Variants in FBRSL1 observed in about 807,000 individuals in gnomAD.
FBRSL1 encodes the protein fibrosin-1-like protein.
A neutral mutation model predicts 89.6 loss-of-function variants in FBRSL1; 51 were observed. The ratio of observed to expected loss-of-function variants is 0.57; its 90% confidence interval spans 0.45 to 0.72. The LOEUF (loss-of-function observed/expected upper bound fraction) is 0.72, where lower values mean the gene tolerates loss of function less well. Ranked by LOEUF, FBRSL1 falls within the 30% of genes least tolerant of loss-of-function variation. FBRSL1 has a pLI of 0.00. For synonymous variants in FBRSL1, 779 were observed against 681.1 expected, an observed-to-expected ratio of 1.14 and a Z score of -2.24; for missense variants, 1,618 against 1,451.8, an observed-to-expected ratio of 1.11 and a Z score of -1.86.
rs1391079802 is a variant in FBRSL1, at chr12:132,531,008, C to T, written c.615+3020C>T. On this transcript the variant is annotated intron_variant, in intron 4 of 18. Coordinates refer to ENST00000680143, the MANE Select transcript of FBRSL1 (RefSeq NM_001367871.1). ...TGTGTCCAGTGTGGGGGGGGGGGTG[C>T]AGGTGAGAGCCCGGGGTGCAGGTGA... 2.2e-5 allele frequency among the ~76,000 whole-genome samples: 3 copies of T among 133,824 alleles called. No homozygotes were observed. The South Asian group carries it at 7.1e-4, about 31-fold the overall frequency. The allele number at this position is 133,824 out of a possible 152,430, so 87.8% of individuals were successfully genotyped here.
Position 132,572,600 on chromosome 12 carries a change from T to C in FBRSL1, c.1508T>C (p.Leu503Pro), listed in dbSNP as rs1309004675. ...CCACACCCCGGCCCCTTCGGGTCCC[T>C]GCAGGGCGCTTTTCAGCCTAAGGTA... ...LLPHPGPFGS[L>P]QGAFQPKTSS... The change falls in exon 11 of 19, where the codon CTG (leucine) becomes CCG (proline). Residue 503 changes from leucine (L) to proline (P), a missense_variant. Physicochemically the swap from Leu to Pro is moderately conservative, Grantham distance 98. Transcript: ENST00000680143. 7 of 1,550,774 alleles carry C rather than the reference T, an allele frequency of 4.5e-6. 1 individual carries two copies. The South Asian group carries it at 8.3e-5, about 18-fold the overall frequency.
chr12:132,537,182 C>T (rs1000890060), intron 4 of FBRSL1, among the ~76,000 whole-genome samples: 5 of 152,126 alleles, frequency 3.3e-5, no homozygotes, highest in African/African-American at 9.7e-5. Context: ...TGGTGGGTGC[C>T]CTCTGCTGTG....
rs116518272 is a variant in FBRSL1, at chr12:132,573,248, G to A, written c.1530+626G>A. 9.6e-3 allele frequency among the ~76,000 whole-genome samples: 1,455 copies of A among 152,274 alleles called. 30 individuals are homozygous for A. The highest frequency in any genetic ancestry group is 0.033 in the African/African-American group (1,387 of 41,546). On this transcript the variant is annotated intron_variant, in intron 11 of 18. Coordinates refer to ENST00000680143, the MANE Select transcript of FBRSL1 (RefSeq NM_001367871.1). ...TGAAGACGGGGCCTGGACCATCCCC[G>A]GTAGCTGCCAAGCCCTTGACCTCCC...
intron 1 of FBRSL1, among the ~76,000 whole-genome samples, chr12:132,500,955 C>T (rs535282003): frequency 2.2e-4 from 34 of 152,344 alleles, no homozygotes; most frequent in East Asian, 2.1e-3. Flanking sequence ...ATGCCTCACT[C>T]GCCTGCCCCT....
Position 132,518,281 on chromosome 12 carries a change from C to A in FBRSL1, c.490-7453C>A, listed in dbSNP as rs114663237. Among the ~76,000 whole-genome samples the A allele has an allele frequency of 4.0e-5, 6 of 148,414 alleles. No homozygotes were observed. The East Asian group carries it at 1.2e-3, about 31-fold the overall frequency. On this transcript the variant is annotated intron_variant, in intron 2 of 18. Transcript: ENST00000680143. Reference sequence around the variant, plus strand: ...GTCCATCCATCCACCCATGCATCTACCCATGCATCCATCATCCACCCATCT... The same window carrying A: ...GTCCATCCATCCACCCATGCATCTAACCATGCATCCATCATCCACCCATCT...
At chr12:132,567,607 C>T (rs2039718218) in intron 6 of FBRSL1, 81 bp downstream of exon 6, 1 of 1,416,700 alleles carries the variant, frequency 7.1e-7, no homozygotes, top group Middle Eastern at 1.8e-4. Context: ...GGACATCCCC[C>T]TGAAGTCAGG....
intron 4 of FBRSL1, among the ~76,000 whole-genome samples, chr12:132,538,311 C>T (rs757093081): frequency 6.6e-6 from 1 of 152,202 alleles, no homozygotes; most frequent in Non-Finnish European, 1.5e-5. Context: ...AGAAATGCAT[C>T]GGGAGATCCT....
intron 8 of FBRSL1, 32 bp downstream of exon 8, chr12:132,570,572 CA>C: frequency 6.8e-7 from 1 of 1,467,480 alleles, no homozygotes; most frequent in Non-Finnish European, 9.0e-7. Context: ...TCGCCCAGGG[CA>C]GGGGTTGGGG....
chr12:132,537,039 T>C (rs1321023464), intron 4 of FBRSL1, among the ~76,000 whole-genome samples: 1 of 152,106 alleles, frequency 6.6e-6, no homozygotes, highest in Non-Finnish European at 1.5e-5. Context: ...TGGAAGCGGC[T>C]GGTGGCCAGC....
rs528800055 is a variant in FBRSL1, at chr12:132,547,299, C to T, written c.616-704C>T. ...TTCGTAGGGCTCTGCTTACTGAAAACGGAGAACGGACAGTCAGTGTGTTCT... is the reference window on the plus strand; with the variant it reads ...TTCGTAGGGCTCTGCTTACTGAAAATGGAGAACGGACAGTCAGTGTGTTCT... On this transcript the variant is annotated intron_variant, in intron 4 of 18. Transcript: ENST00000680143. Among the ~76,000 whole-genome samples, 8 of 151,464 alleles carry T rather than the reference C, an allele frequency of 5.3e-5. No individual in the cohort carries two copies. The East Asian group carries it at 5.8e-4, about 11-fold the overall frequency.
At chr12:132,576,219 G>A in intron 14 of FBRSL1, among the ~76,000 whole-genome samples, 1 of 127,220 alleles carries the variant, frequency 7.9e-6, no homozygotes, top group South Asian at 2.5e-4. Flanking sequence ...TTGAGATAGA[G>A]TCTCGCTCTG....
At position 132,546,537 on chromosome 12, in the gene FBRSL1, C is replaced by T. The variant is rs1053438857; in HGVS notation, c.616-1466C>T. The stretch of plus-strand genomic sequence containing the variant: ...GGGACCCTAGGAGAGGGCTTGGCCA[C>T]GGCTGAAAGGCCAGACCGGGGGGAC... On this transcript the variant is annotated intron_variant, in intron 4 of 18. Coordinates refer to ENST00000680143, the MANE Select transcript of FBRSL1 (RefSeq NM_001367871.1). This position sits in a 1 kb window ranked among gnomAD's most constrained non-coding sequence, Gnocchi z 4.0. Among the ~76,000 whole-genome samples, 4 of 151,474 alleles carry T rather than the reference C, an allele frequency of 2.6e-5. No individual in the cohort carries two copies. Among genetic ancestry groups the T allele is most frequent in the East Asian group, 1.9e-4 (1 of 5,148 alleles).
intron 1 of FBRSL1, among the ~76,000 whole-genome samples, chr12:132,506,205 G>C (rs569553158): frequency 6.6e-6 from 1 of 152,062 alleles, no homozygotes; most frequent in African/African-American, 2.4e-5. Flanking sequence ...CCGGGGTGGG[G>C]AGGGAGCTGG....
Position 132,582,955 on chromosome 12 carries a change from G to T in FBRSL1, c.2202-16G>T. On this transcript the variant is annotated splice_polypyrimidine_tract_variant and intron_variant, in intron 18 of 18. Coordinates refer to ENST00000680143, the MANE Select transcript of FBRSL1 (RefSeq NM_001367871.1). ...CGGAGGTCTCGGGAGTGACGGGTCC[G>T]CCCTGCCGCCCCCAGGGACCTCCTG... The T allele has an allele frequency of 7.1e-7, 1 of 1,399,140 alleles. No homozygotes were observed. Among genetic ancestry groups the T allele is most frequent in the Non-Finnish European group, 9.2e-7 (1 of 1,085,640 alleles). The allele number at this position is 1,399,140 out of a possible 1,614,324, so 86.7% of individuals were successfully genotyped here. A position where few individuals can be genotyped will look rare whatever the true frequency, so the allele number is the denominator to read the frequency against.
intron 4 of FBRSL1, among the ~76,000 whole-genome samples, chr12:132,540,459 G>GC (rs1214885148): frequency 1.3e-5 from 2 of 150,826 alleles, no homozygotes; most frequent in Non-Finnish European, 3.0e-5. Context: ...ACCCACCCTG[G>GC]CCCGGGCCAC....
chr12:132,561,880 A>T (rs988822705), intron 5 of FBRSL1, among the ~76,000 whole-genome samples: 3 of 152,114 alleles, frequency 2.0e-5, no homozygotes, highest in Admixed American at 6.5e-5. Context: ...GCAGCACTGG[A>T]TCCCCATCCT....
intron 5 of FBRSL1, among the ~76,000 whole-genome samples, chr12:132,557,916 G>A (rs1396354260): frequency 2.0e-5 from 3 of 152,164 alleles, no homozygotes; most frequent in African/African-American, 7.2e-5. Context: ...CATCTGTGCC[G>A]AGTCCCCAGA....
intron 4 of FBRSL1, 145 bp downstream of exon 4, chr12:132,528,133 C>T: frequency 1.4e-6 from 1 of 737,826 alleles, no homozygotes. Flanking sequence ...TGGTTCTGGC[C>T]TCAAACACCA....
At chr12:132,507,389 G>C in intron 1 of FBRSL1, 1 of 985,530 alleles carries the variant, frequency 1.0e-6, no homozygotes, top group Non-Finnish European at 1.2e-6. Flanking sequence ...CATACAGAAG[G>C]TGCTTACTAG....
Sources: gnomAD v4.1 joint callset for allele counts (sites outside exome capture counted in the v4.1 genomes callset) on GRCh38, gnomAD v4.1.1 for gene constraint, Gnocchi (gnomAD v3.1) non-coding constraint, MANE v1.5 for transcripts, NCBI Gene and HGNC (gene_info 2026-07-23, HGNC 2026-07-21) for gene names.